MATR3: variants seen among roughly 807,000 people sequenced by gnomAD.
MATR3 encodes matrin-3.
A neutral mutation model predicts 85.5 loss-of-function variants in MATR3; 4 were observed. The observed-to-expected ratio is 0.05, with a 90% confidence interval of 0.02 to 0.11. The LOEUF (loss-of-function observed/expected upper bound fraction) is 0.11. Among genes scored for constraint, MATR3 ranks in the 10% least tolerant of loss-of-function variants. The pLI, the probability that MATR3 is intolerant of heterozygous loss-of-function variation, is 1.00. For missense variants in MATR3, 685 were observed against 1,016.1 expected (o/e 0.67, Z 4.43); for synonymous variants, 336 against 343.1 (o/e 0.98, Z 0.23).
At chr5:139,323,470 G>T (rs891270485) in intron 12 of MATR3, among the ~76,000 whole-genome samples, 1 of 152,104 alleles carries the variant, frequency 6.6e-6, no homozygotes, top group African/African-American at 2.4e-5. Flanking sequence ...TAGAAGCCAT[G>T]TATAAAGTGA....
At chr5:139,302,009 A>G (rs1678677621) in intron 1 of MATR3, among the ~76,000 whole-genome samples, 1 of 152,238 alleles carries the variant, frequency 6.6e-6, no homozygotes, top group Non-Finnish European at 1.5e-5. Context: ...TAGATGGATT[A>G]AGAACAGTGG....
rs769828695 is a variant in MATR3, at chr5:139,308,018, T to C, written c.603T>C (p.Asp201=). Residue 201 remains aspartate (D), a synonymous_variant, in exon 2 of 15, where the codon GAT becomes GAC. Transcript: ENST00000394805. ...GTCCTAGTCTCAACCCAGTGCTTGATTATGACCATGGAAGTCGTTCTCAAG... is the reference window on the plus strand; with the variant it reads ...GTCCTAGTCTCAACCCAGTGCTTGACTATGACCATGGAAGTCGTTCTCAAG... ...DRGPSLNPVL[D]YDHGSRSQES... is the part of the protein sequence containing the mutation. 3.7e-6 allele frequency: 6 copies of C among 1,614,150 alleles called. No homozygotes were observed. The highest frequency in any genetic ancestry group is 1.3e-5 in the African/African-American group (1 of 75,024).
chr5:139,316,200 A>AT lies in MATR3; in HGVS notation c.1129+12_1129+13insT. 1 of 1,539,100 alleles carries AT rather than the reference A, an allele frequency of 6.5e-7. No homozygotes were observed. The highest frequency in any genetic ancestry group is 9.0e-7 in the Non-Finnish European group (1 of 1,114,704). On this transcript the variant is annotated intron_variant, in intron 5 of 14. Coordinates refer to ENST00000394805, the MANE Select transcript of MATR3 (RefSeq NM_018834.6). ...AAGAGGAAATCTGGGTAATTATATA[A>AT]AATTCATGTTACTTTTCCCTACAGA...
rs1211696192 is a variant in MATR3, at chr5:139,308,001, C to G, written c.586C>G (p.Leu196Val). 1 of 1,614,150 alleles carries G rather than the reference C, an allele frequency of 6.2e-7. No individual in the cohort carries two copies. Among genetic ancestry groups the G allele is most frequent in the Non-Finnish European group, 8.5e-7 (1 of 1,180,034 alleles). The change falls in exon 2 of 15, where the codon CTC becomes GTC. Residue 196 changes from leucine to valine, a missense_variant. This residue lies in a region of MATR3 where 223 missense variants were observed against 334.4 expected (regional missense o/e 0.67). Transcript: ENST00000394805. Reference sequence around the variant, plus strand: ...TAGTTTTGATGATCGTGGTCCTAGTCTCAACCCAGTGCTTGATTATGACCA... The same window carrying G: ...TAGTTTTGATGATCGTGGTCCTAGTGTCAACCCAGTGCTTGATTATGACCA... ...RDSFDDRGPS[L>V]NPVLDYDHGS...
upstream of MATR3, chr5:139,293,668 GA>G: frequency 3.8e-6 from 1 of 266,426 alleles, no homozygotes; most frequent in Non-Finnish European, 7.1e-6. Context: ...GCTCTCTCGC[GA>G]GAGTGGGTTT....
chr5:139,301,149 G>T (rs1190567954), intron 1 of MATR3, among the ~76,000 whole-genome samples: 1 of 152,042 alleles, frequency 6.6e-6, no homozygotes, highest in Non-Finnish European at 1.5e-5. Flanking sequence ...TATGAAGTAG[G>T]TATTATTTTT....
chr5:139,296,144 T>C (rs943309838), intron 1 of MATR3, among the ~76,000 whole-genome samples: 2 of 152,188 alleles, frequency 1.3e-5, no homozygotes, highest in Admixed American at 1.3e-4. Context: ...AAGGAAGTAA[T>C]GTGTCAGATT....
chr5:139,324,508 A>G (rs1755745281), intron 12 of MATR3, among the ~76,000 whole-genome samples: 1 of 151,934 alleles, frequency 6.6e-6, no homozygotes, highest in African/African-American at 2.4e-5. Flanking sequence ...CCTGGCTGGT[A>G]TTGAACTCCT....
intron 1 of MATR3, among the ~76,000 whole-genome samples, chr5:139,300,431 C>G (rs1477905648): frequency 6.6e-6 from 1 of 152,126 alleles, no homozygotes; most frequent in Non-Finnish European, 1.5e-5. Context: ...ACCAGTATGA[C>G]ATTAAAGTTG....
chr5:139,318,970 A>G lies in MATR3; in HGVS notation c.1371A>G (p.Thr457=). 6.2e-7 allele frequency: 1 copy of G among 1,613,984 alleles called. No individual in the cohort carries two copies. Reference sequence around the variant, plus strand: ...CCGCAGTGGATTATTACACAACCACACCAGCGTTAGTATTTGGCAAGCCAG... The same window carrying G: ...CCGCAGTGGATTATTACACAACCACGCCAGCGTTAGTATTTGGCAAGCCAG... ...AQAAVDYYTT[T]PALVFGKPVR... Residue 457 remains threonine (T), a synonymous_variant, in exon 8 of 15, where the codon ACA becomes ACG. Coordinates refer to ENST00000394805, the MANE Select transcript of MATR3 (RefSeq NM_018834.6).
Position 139,322,518 on chromosome 5 carries a change from T to G in MATR3, c.1778+12T>G, listed in dbSNP as rs746571680. Reference sequence around the variant, plus strand: ...AAAGATAAATCCCGGTAATTTCATTTTGTTTTTCATATGTGTGAGTATATT... The same window carrying G: ...AAAGATAAATCCCGGTAATTTCATTGTGTTTTTCATATGTGTGAGTATATT... On this transcript the variant is annotated intron_variant, in intron 11 of 14. Transcript: ENST00000394805. The G allele has an allele frequency of 6.4e-7, 1 of 1,573,254 alleles. No individual in the cohort carries two copies. The highest frequency in any genetic ancestry group is 1.1e-5 in the South Asian group (1 of 89,210).
intron 1 of MATR3, among the ~76,000 whole-genome samples, chr5:139,299,607 A>G (rs550392825): frequency 2.0e-5 from 3 of 152,308 alleles, no homozygotes; most frequent in Non-Finnish European, 4.4e-5. Context: ...TGAGTCTGCA[A>G]TGAGCCAAGA....
chr5:139,315,515 A>T, intron 3 of MATR3, 182 bp from the exon 4 acceptor site: 1 of 550,642 alleles, frequency 1.8e-6, no homozygotes, highest in South Asian at 2.6e-5. Context: ...CTCGTGGATT[A>T]TTTTGAAGTT....
chr5:139,314,537 C>A, intron 2 of MATR3, 138 bp from the exon 3 acceptor site: 1 of 703,640 alleles, frequency 1.4e-6, no homozygotes, highest in South Asian at 1.5e-5. Context: ...TAAATTAAAT[C>A]AATGTGATTT....
rs1409293971 is a variant in MATR3 at position 139,318,923 on chromosome 5, G to A, written c.1324G>A (p.Ala442Thr). 4.3e-6 allele frequency: 7 copies of A among 1,614,138 alleles called. No homozygotes were observed. Among genetic ancestry groups the A allele is most frequent in the Admixed American group, 1.7e-5 (1 of 60,016 alleles). The part of the protein sequence containing the change: ...NKINEAFIEM[A>T]TTEDAQAAVD... ...ATAATTTCAGGCATTTATTGAAATG[G>A]CAACCACAGAGGATGCTCAGGCCGC... The change falls in exon 8 of 15, where the codon GCA becomes ACA. Residue 442 changes from alanine (A) to threonine (T), a missense_variant. By Grantham distance (58) the Ala-to-Thr change is moderately conservative. Transcript: ENST00000394805.
intron 1 of MATR3, among the ~76,000 whole-genome samples, chr5:139,305,588 G>A (rs1458214037): frequency 6.6e-6 from 1 of 152,116 alleles, no homozygotes; most frequent in Non-Finnish European, 1.5e-5. Flanking sequence ...TAGCATCTCA[G>A]CCGCCATTCT....
chr5:139,287,596 G>C (rs1384285190), intron 3 of MATR3, among the ~76,000 whole-genome samples: 5 of 152,022 alleles, frequency 3.3e-5, no homozygotes, highest in Admixed American at 3.3e-4. Context: ...ACTAGCCTGG[G>C]CAACGAGCAA....
At chr5:139,312,028 C>G (rs1167914452) in intron 2 of MATR3, 2 of 152,118 alleles carry the variant, frequency 1.3e-5, no homozygotes, top group Non-Finnish European at 2.9e-5. Flanking sequence ...CCCGGCCTCC[C>G]AAAGTGCTGG....
chr5:139,296,630 G>A (rs1179349112), intron 1 of MATR3, among the ~76,000 whole-genome samples: 1 of 152,222 alleles, frequency 6.6e-6, no homozygotes, highest in Non-Finnish European at 1.5e-5. Flanking sequence ...AGAAGTGACA[G>A]AAAGTAGTGC....
Sources: allele counts gnomAD v4.1 joint callset (sites outside exome capture counted in the v4.1 genomes callset), GRCh38; gene constraint gnomAD v4.1.1; regional missense constraint gnomAD v4.1.1; transcripts MANE v1.5; gene names NCBI Gene and HGNC (gene_info 2026-07-23, HGNC 2026-07-21).